The following AGBL1 variants were observed in gnomAD, a reference collection of about 807,000 sequenced individuals.
AGBL1 encodes cytosolic carboxypeptidase 4.
A neutral mutation model predicts 118.9 loss-of-function variants in AGBL1; 130 were observed. That is an observed-to-expected ratio of 1.09 (90% confidence interval 0.95 to 1.26). AGBL1 has a LOEUF of 1.26. Ranked by LOEUF, AGBL1 falls within the 50% of genes most tolerant of loss-of-function variation. The pLI, the probability that AGBL1 is intolerant of heterozygous loss-of-function variation, is 0.00. For synonymous variants in AGBL1, 555 were observed against 478.9 expected (o/e 1.16, Z -2.08); for missense variants, 1,584 against 1,298.1 (o/e 1.22, Z -3.38).
At chr15:86,804,701 A>G (rs558198765) in intron 22 of AGBL1, among the ~76,000 whole-genome samples, 3 of 152,244 alleles carry the variant, frequency 2.0e-5, no homozygotes, top group East Asian at 3.9e-4. Flanking sequence ...CTATATCACT[A>G]TTCTTGGGGA....
chr15:86,884,341 G>T (rs928088441), intron 22 of AGBL1, among the ~76,000 whole-genome samples: 1 of 152,128 alleles, frequency 6.6e-6, no homozygotes, highest in Non-Finnish European at 1.5e-5. Context: ...GGAGTGGGAC[G>T]ACACAAGATC....
chr15:86,100,399 A>T (rs941994348), intron 1 of AGBL1, among the ~76,000 whole-genome samples: 3 of 152,152 alleles, frequency 2.0e-5, no homozygotes, highest in African/African-American at 7.2e-5. Flanking sequence ...TTTGAGAAGA[A>T]CTCGTGTTGT....
chr15:86,833,690 T>C (rs2079136173), intron 22 of AGBL1, among the ~76,000 whole-genome samples: 1 of 152,056 alleles, frequency 6.6e-6, no homozygotes, highest in African/African-American at 2.4e-5. Context: ...CTGCTAAAGC[T>C]CAAATAGAGC....
At chr15:86,641,314 T>C (rs1486710375) in intron 21 of AGBL1, among the ~76,000 whole-genome samples, 10 of 152,064 alleles carry the variant, frequency 6.6e-5, no homozygotes, top group Non-Finnish European at 1.3e-4. Context: ...ATGTATAAAA[T>C]ACACAAAACA....
chr15:86,936,180 A>G (rs920395943), intron 23 of AGBL1, among the ~76,000 whole-genome samples: 4 of 152,112 alleles, frequency 2.6e-5, no homozygotes, highest in Admixed American at 1.3e-4. Context: ...ATCTTTGTCA[A>G]TGAGTGCTTT....
chr15:86,455,601 T>A (rs1423528867), intron 18 of AGBL1, among the ~76,000 whole-genome samples: 1 of 152,186 alleles, frequency 6.6e-6, no homozygotes, highest in Non-Finnish European at 1.5e-5. Flanking sequence ...GTAAGCAATA[T>A]GGCTTAGCAT....
chr15:86,222,251 C>T (rs1399267152), intron 5 of AGBL1, among the ~76,000 whole-genome samples: 1 of 152,136 alleles, frequency 6.6e-6, no homozygotes, highest in Non-Finnish European at 1.5e-5. Context: ...ATGATGTTTC[C>T]AGCAGCATTC....
chr15:86,638,028 G>A (rs1186876076), intron 21 of AGBL1, among the ~76,000 whole-genome samples: 1 of 152,078 alleles, frequency 6.6e-6, no homozygotes, highest in Non-Finnish European at 1.5e-5. Context: ...TAGGACCTCA[G>A]AGGAAGAACA....
rs2083764783 is a variant in AGBL1 at position 86,558,316 on chromosome 15, T to A, written c.2994+3779T>A. Among the ~76,000 whole-genome samples, 3 of 152,308 alleles carry A rather than the reference T, an allele frequency of 2.0e-5. No homozygotes were observed. In the South Asian group the frequency reaches 6.2e-4, roughly 32 times the overall value. On this transcript the variant is annotated intron_variant, in intron 21 of 22. Transcript: ENST00000614907. ...AGGACCCCATCTTGCCCCAAAGCTA[T>A]GGCTCCTCCCTACCTGCAGCCTACA... is the stretch of plus-strand genomic sequence containing the variant.
At chr15:86,849,260 C>G (rs144342582) in intron 22 of AGBL1, among the ~76,000 whole-genome samples, 2,222 of 152,346 alleles carry the variant, frequency 0.015, 32 homozygotes, top group South Asian at 0.066. Context: ...TCTGCTTTGC[C>G]TCAGCAAATT....
At chr15:86,969,616 C>T (rs1391204838) in intron 23 of AGBL1, among the ~76,000 whole-genome samples, 2 of 151,938 alleles carry the variant, frequency 1.3e-5, no homozygotes, top group Non-Finnish European at 2.9e-5. Flanking sequence ...TGTATGTGGG[C>T]ATATGTGCAT....
intron 22 of AGBL1, among the ~76,000 whole-genome samples, chr15:86,784,489 G>T (rs558677086): frequency 1.4e-4 from 21 of 152,280 alleles, no homozygotes; most frequent in African/African-American, 4.6e-4. Flanking sequence ...AGAGACCCAG[G>T]TTCTATCCTT....
At chr15:86,308,547 A>G (rs982245924) in intron 17 of AGBL1, among the ~76,000 whole-genome samples, 1 of 152,196 alleles carries the variant, frequency 6.6e-6, no homozygotes, top group Admixed American at 6.5e-5. Flanking sequence ...TAGGTATTTT[A>G]TGGTTTTAGG....
intron 22 of AGBL1, among the ~76,000 whole-genome samples, chr15:86,682,198 G>A (rs1051504779): frequency 2.5e-4 from 38 of 152,062 alleles, no homozygotes; most frequent in Admixed American, 2.2e-3. Context: ...ATGGAACTCC[G>A]CCTGGGAATT....
At chr15:86,271,568 C>T (rs2079162286) in intron 14 of AGBL1, 51 bp from the exon 15 acceptor site, 1 of 1,449,668 alleles carries the variant, frequency 6.9e-7, no homozygotes, top group Non-Finnish European at 9.7e-7. Flanking sequence ...TTATTTGGCC[C>T]AGAACAACTC....
intron 22 of AGBL1, among the ~76,000 whole-genome samples, chr15:86,719,719 G>C (rs2086688820): frequency 6.6e-6 from 1 of 152,100 alleles, no homozygotes; most frequent in Non-Finnish European, 1.5e-5. Flanking sequence ...ATTTTTAAGT[G>C]AGCCAACTTC....
chr15:86,536,647 A>T lies in AGBL1; in HGVS notation c.2686-9355A>T, dbSNP rs145239637. Among the ~76,000 whole-genome samples the T allele has an allele frequency of 4.9e-4, 75 of 152,286 alleles. 1 individual carries two copies. Among genetic ancestry groups the T allele is most frequent in the African/African-American group, 1.7e-3 (71 of 41,574 alleles). ...GTTCTTAGAGGGAGGGCAAGTCAGA[A>T]TTTTCAAAGAAGTCTAAACAAATTT... On this transcript the variant is annotated intron_variant, in intron 19 of 22. Coordinates refer to ENST00000614907, the MANE Select transcript of AGBL1 (RefSeq NM_001386094.1).
At chr15:87,026,641 A>G (rs2081729565) in intron 24 of AGBL1, among the ~76,000 whole-genome samples, 1 of 152,032 alleles carries the variant, frequency 6.6e-6, no homozygotes, top group South Asian at 2.1e-4. Context: ...CAATCCCACT[A>G]CTGATACCTA....
rs1046540188 is a variant in AGBL1, at chr15:86,734,683, T to C, written c.3158+60247T>C. Among the ~76,000 whole-genome samples, 4 of 152,122 alleles carry C rather than the reference T, an allele frequency of 2.6e-5. No individual in the cohort carries two copies. The South Asian group carries it at 8.3e-4, about 32-fold the overall frequency. ...TCTCTATTGCGACAAAGCAATGAAG[T>C]GACATCAGGAAAAATGAGGAGGAGA... On this transcript the variant is annotated intron_variant, in intron 22 of 22. Transcript: ENST00000614907.
Sources: allele counts gnomAD v4.1 joint callset (sites outside exome capture counted in the v4.1 genomes callset), GRCh38; gene constraint gnomAD v4.1.1; transcripts MANE v1.5; gene names NCBI Gene and HGNC (gene_info 2026-07-23, HGNC 2026-07-21).